Variants in NIBAN2 observed in about 807,000 individuals in gnomAD.
The protein encoded by NIBAN2 is niban apoptosis regulator 2, also known as protein Niban 2.
In NIBAN2, 36 loss-of-function variants were observed where a neutral mutation model predicts 81.8. The observed-to-expected ratio is 0.44, with a 90% CI of 0.34 to 0.58. The LOEUF (loss-of-function observed/expected upper bound fraction) is 0.58, where lower values mean the gene tolerates loss of function less well. Ranked by LOEUF, NIBAN2 falls within the 20% of genes least tolerant of loss-of-function variation. The probability of loss-of-function intolerance (pLI) is 0.02; values close to 1 mark genes in which losing one functional copy is unlikely to be tolerated. For synonymous variants in NIBAN2, 445 were observed against 441.6 expected (o/e 1.01, Z -0.10); for missense variants, 897 against 1,014.1 (o/e 0.88, Z 1.57).
chr9:127,564,895 C>T (rs1408535327), intron 1 of NIBAN2, among the ~76,000 whole-genome samples: 1 of 151,848 alleles, frequency 6.6e-6, no homozygotes. Flanking sequence ...TTTTTATAAA[C>T]CAAGCTATTA....
Position 127,517,044 on chromosome 9 carries a change from C to T in NIBAN2, c.811-25G>A. 1.9e-6 allele frequency: 3 copies of T among 1,611,568 alleles called. No homozygotes were observed. The highest frequency in any genetic ancestry group is 2.5e-6 in the Non-Finnish European group (3 of 1,178,234). ...TCTGTGGGCAGAGCAGCTGAATTGG[C>T]ACCAGGGCTGAGGGCACCGCACCAG... On this transcript the variant is annotated intron_variant, in intron 7 of 13. Transcript: ENST00000373312. This position sits in a 1 kb window ranked among gnomAD's most constrained non-coding sequence, Gnocchi z 4.0.
intron 5 of NIBAN2, among the ~76,000 whole-genome samples, chr9:127,521,862 C>T (rs146814357): frequency 7.9e-4 from 120 of 152,338 alleles, no homozygotes; most frequent in African/African-American, 2.7e-3. Flanking sequence ...GCCAGGCCCA[C>T]GGCCAAGTGC....
At chr9:127,521,325 G>A (rs1836937373) in intron 5 of NIBAN2, among the ~76,000 whole-genome samples, 1 of 152,178 alleles carries the variant, frequency 6.6e-6, no homozygotes, top group African/African-American at 2.4e-5. Flanking sequence ...CAGACCTGGA[G>A]ACCTTCCAAG....
chr9:127,521,775 TG>T (rs1448869718), intron 5 of NIBAN2, among the ~76,000 whole-genome samples: 1 of 152,180 alleles, frequency 6.6e-6, no homozygotes. Flanking sequence ...GCAGCTCTCC[TG>T]GGCCTCCCTC....
intron 2 of NIBAN2, among the ~76,000 whole-genome samples, chr9:127,530,492 C>G (rs930651725): frequency 6.6e-6 from 1 of 151,952 alleles, no homozygotes; most frequent in Non-Finnish European, 1.5e-5. Flanking sequence ...GCCCCGTGTC[C>G]GAGTCAATCA....
At chr9:127,516,009 A>G (rs926917794) in intron 8 of NIBAN2, among the ~76,000 whole-genome samples, 3 of 151,980 alleles carry the variant, frequency 2.0e-5, no homozygotes, top group African/African-American at 7.3e-5. Context: ...GTGGTGGCAC[A>G]TGCCTGTAGT....
At chr9:127,562,021 C>G (rs7029613) in intron 1 of NIBAN2, among the ~76,000 whole-genome samples, 8,643 of 152,194 alleles carry the variant, frequency 0.057, 451 homozygotes, top group African/African-American at 0.13. Context: ...GCCCGGGGTG[C>G]AGTGAGTCAT....
intron 1 of NIBAN2, among the ~76,000 whole-genome samples, chr9:127,541,621 G>A (rs528706735): frequency 2.6e-5 from 4 of 152,212 alleles, no homozygotes; most frequent in South Asian, 4.1e-4. Flanking sequence ...GTAATGACAG[G>A]CTCCATCAAG....
rs1253074118 is a variant in NIBAN2, at chr9:127,545,440, C to A, written c.56-13662G>T. 6.6e-6 allele frequency among the ~76,000 whole-genome samples: 1 copy of A among 152,194 alleles called. No homozygotes were observed. Among genetic ancestry groups the A allele is most frequent in the South Asian group, 2.1e-4 (1 of 4,838 alleles). The stretch of plus-strand genomic sequence containing the variant: ...CAGGGGGGTGCTTGATAAACAAGTG[C>A]CGAACAAGTGTTAGGTCACCCAGCC... On this transcript the variant is annotated intron_variant, in intron 1 of 13. Coordinates refer to ENST00000373312, the MANE Select transcript of NIBAN2 (RefSeq NM_022833.4). The surrounding 1 kb of genome is among the most constrained non-coding windows in gnomAD (Gnocchi z 4.7).
At position 127,517,818 on chromosome 9, in the gene NIBAN2, G is replaced by A; in HGVS notation, c.705+8C>T. On this transcript the variant is annotated splice_region_variant and intron_variant, in intron 6 of 13. Transcript: ENST00000373312. This position sits in a 1 kb window ranked among gnomAD's most constrained non-coding sequence, Gnocchi z 4.0. ...CTGAGGTTTCCTCACCAGCCCGTCT[G>A]GCCTCACCTGCACCTCGTTCCCACA... 3 of 1,608,198 alleles carry A rather than the reference G, an allele frequency of 1.9e-6. No homozygotes were observed. The highest frequency in any genetic ancestry group is 1.7e-6 in the Non-Finnish European group (2 of 1,175,420).
intron 1 of NIBAN2, among the ~76,000 whole-genome samples, chr9:127,551,088 A>G (rs1402837819): frequency 6.6e-6 from 1 of 152,080 alleles, no homozygotes; most frequent in Non-Finnish European, 1.5e-5. Context: ...ATGGAACGGC[A>G]CTTTGAAAAA....
intron 1 of NIBAN2, among the ~76,000 whole-genome samples, chr9:127,567,698 A>T (rs867452034): frequency 6.6e-6 from 1 of 152,174 alleles, no homozygotes; most frequent in Admixed American, 6.5e-5. Context: ...GTGCAGGCGG[A>T]CGCGGTGCTC....
chr9:127,512,287 ATTT>A (rs3053049), intron 8 of NIBAN2, among the ~76,000 whole-genome samples: 3 of 140,168 alleles, frequency 2.1e-5, no homozygotes, highest in Non-Finnish European at 1.5e-5. Context: ...TTCATTTTAC[ATTT>A]TTTTTTTTTT....
chr9:127,556,194 CT>C (rs1456687099), intron 1 of NIBAN2, among the ~76,000 whole-genome samples: 1 of 152,206 alleles, frequency 6.6e-6, no homozygotes, highest in Non-Finnish European at 1.5e-5. Flanking sequence ...GTGAGTCACG[CT>C]TCGAGGAATA....
chr9:127,525,302 G>T, intron 3 of NIBAN2, 139 bp from the exon 4 acceptor site: 1 of 624,494 alleles, frequency 1.6e-6, no homozygotes, highest in Non-Finnish European at 2.9e-6. Context: ...GAGGAACAGA[G>T]GGGAGAATGT....
intron 1 of NIBAN2, among the ~76,000 whole-genome samples, chr9:127,564,110 T>G (rs1433065518): frequency 6.6e-6 from 1 of 151,928 alleles, no homozygotes; most frequent in Admixed American, 6.6e-5. Context: ...TTGACCAATA[T>G]GGTAAAACCC....
upstream of NIBAN2, among the ~76,000 whole-genome samples, chr9:127,570,528 A>G (rs899603986): frequency 6.6e-6 from 1 of 152,232 alleles, no homozygotes; most frequent in Non-Finnish European, 1.5e-5. Flanking sequence ...AGTGCCCAGC[A>G]TAGTGCCTGG....
chr9:127,525,629 T>C (rs993879884), intron 3 of NIBAN2, among the ~76,000 whole-genome samples: 9 of 152,174 alleles, frequency 5.9e-5, no homozygotes, highest in African/African-American at 1.7e-4. Flanking sequence ...TGTTGTTCTG[T>C]TTCTACTGCT....
chr9:127,527,099 C>T (rs1025659681), intron 3 of NIBAN2, 95 bp downstream of exon 3: 49 of 1,493,074 alleles, frequency 3.3e-5, no homozygotes, highest in Non-Finnish European at 4.0e-5. Flanking sequence ...CAGGCTGTGA[C>T]GGTGGCGTCT....
Sources: gnomAD v4.1 joint callset for allele counts (sites outside exome capture counted in the v4.1 genomes callset) on GRCh38, gnomAD v4.1.1 for gene constraint, Gnocchi (gnomAD v3.1) non-coding constraint, MANE v1.5 for transcripts, NCBI Gene and HGNC (gene_info 2026-07-23, HGNC 2026-07-21) for gene names.